Variants in MTMR8 observed in about 807,000 individuals in gnomAD.
The protein encoded by MTMR8 is myotubularin related protein 8, also known as phosphatidylinositol-3,5-bisphosphate 3-phosphatase MTMR8.
Under a neutral mutation model 39.3 loss-of-function variants are expected in MTMR8, and 65 were observed. The observed-to-expected ratio is 1.65, with a 90% confidence interval of 1.35 to 2.03. The LOEUF is 2.03. Among genes scored for constraint, MTMR8 ranks in the 30% most tolerant of loss-of-function variants. MTMR8 has a pLI of 0.00. For synonymous variants in MTMR8, 245 were observed against 185.2 expected, an observed-to-expected ratio of 1.32 and a Z score of -2.62; for missense variants, 777 against 538.9, an observed-to-expected ratio of 1.44 and a Z score of -4.37.
chrX:64,336,487 T>C (rs1284990859), intron 9 of MTMR8, among the ~76,000 whole-genome samples: 1 of 98,669 alleles, frequency 1.0e-5, no homozygotes, highest in Admixed American at 1.0e-4. Context: ...AAAACCATTT[T>C]TAACCATTAA....
intron 1 of MTMR8, among the ~76,000 whole-genome samples, chrX:64,382,098 G>T (rs1924442129): frequency 1.8e-5 from 2 of 111,357 alleles, no homozygotes; most frequent in Non-Finnish European, 3.8e-5. Flanking sequence ...CTCTTTTTTG[G>T]TTCCATATGA....
At chrX:64,381,122 G>A (rs1233368750) in intron 1 of MTMR8, among the ~76,000 whole-genome samples, 1 of 111,951 alleles carries the variant, frequency 8.9e-6, no homozygotes, top group Admixed American at 9.5e-5. Context: ...TAATGGGATG[G>A]CTGGGTCAAA....
At chrX:64,288,862 C>T (rs1335694411) in intron 12 of MTMR8, among the ~76,000 whole-genome samples, 2 of 109,282 alleles carry the variant, frequency 1.8e-5, no homozygotes, top group Admixed American at 2.0e-4. Context: ...ACACCGGGGC[C>T]TGTTGTAGGG....
chrX:64,292,791 C>T (rs1921445233), intron 12 of MTMR8, among the ~76,000 whole-genome samples: 1 of 111,130 alleles, frequency 9.0e-6, no homozygotes, highest in South Asian at 3.8e-4. Flanking sequence ...GAGCAAACTC[C>T]ACCTAATAGG....
At chrX:64,305,038 C>T in intron 12 of MTMR8, 1 of 178,698 alleles carries the variant, frequency 5.6e-6, no homozygotes, top group South Asian at 1.2e-4. Flanking sequence ...TTCCACAATA[C>T]TGTTCTAAAA....
intron 1 of MTMR8, among the ~76,000 whole-genome samples, chrX:64,379,143 T>A (rs1924345869): frequency 8.9e-6 from 1 of 111,736 alleles, no homozygotes; most frequent in Admixed American, 9.5e-5. Flanking sequence ...AAATTAGCAA[T>A]CTTCTAAAAC....
At chrX:64,375,025 A>G (rs1924229760) in intron 1 of MTMR8, among the ~76,000 whole-genome samples, 1 of 101,630 alleles carries the variant, frequency 9.8e-6, no homozygotes, top group East Asian at 3.0e-4. Context: ...ATGGTGAGGG[A>G]ATAAATTTCT....
At chrX:64,284,656 TG>T (rs975971193) in intron 12 of MTMR8, among the ~76,000 whole-genome samples, 3 of 110,882 alleles carry the variant, frequency 2.7e-5, no homozygotes, top group Non-Finnish European at 5.7e-5. Flanking sequence ...CAGAAGAGAG[TG>T]GGGGCCAATA....
At chrX:64,298,075 G>C (rs1224831957) in intron 12 of MTMR8, among the ~76,000 whole-genome samples, 4 of 76,308 alleles carry the variant, frequency 5.2e-5, no homozygotes, top group African/African-American at 2.0e-4. Flanking sequence ...GCTCTTTTTT[G>C]GTTCCATATG....
In MTMR8 at chrX:64,328,902, T is replaced by G. The variant is rs898091089; in HGVS notation, c.1353-2A>C. 3.5e-5 allele frequency: 42 copies of G among 1,184,715 alleles called. No homozygotes were observed. Among genetic ancestry groups the G allele is most frequent in the Non-Finnish European group, 4.6e-5 (41 of 887,722 alleles). ...ACAGAATGTGTTTTCTCATAGACTC[T>G]GTTAGAAAAGAAAAACAAGCCAAAA... is the stretch of plus-strand genomic sequence containing the variant. On this transcript the variant is annotated splice_acceptor_variant, in intron 11 of 13. Coordinates refer to ENST00000374852, the MANE Select transcript of MTMR8 (RefSeq NM_017677.4). LOFTEE classifies it high-confidence loss of function.
At position 64,268,701 on chromosome X, in the gene MTMR8, C is replaced by T. The variant is rs199872073; in HGVS notation, c.1951G>A (p.Asp651Asn). The change falls in exon 14 of 14, where the codon GAC (aspartate) becomes AAC (asparagine). Residue 651 changes from aspartate to asparagine, a missense_variant. Coordinates refer to ENST00000374852, the MANE Select transcript of MTMR8 (RefSeq NM_017677.4). ...TCCATGGCCCCACAGATTCCTAAGT[C>T]TTTGGAGAAGCCCGTAGCCTCAAAG... ...CTFEATGFSK[D>N]LGICGAMDIS... 1.0e-4 allele frequency: 127 copies of T among 1,209,743 alleles called. No individual in the cohort carries two copies. Among genetic ancestry groups the T allele is most frequent in the Non-Finnish European group, 1.3e-4 (113 of 895,235 alleles).
chrX:64,369,442 G>A (rs181687657), intron 1 of MTMR8, among the ~76,000 whole-genome samples: 26 of 111,341 alleles, frequency 2.3e-4, no homozygotes, highest in African/African-American at 8.1e-4. Context: ...CCATAAAAAC[G>A]GCTGAGTTCA....
chrX:64,341,382 G>A (rs1923212043), intron 8 of MTMR8, among the ~76,000 whole-genome samples: 1 of 108,040 alleles, frequency 9.3e-6, no homozygotes, highest in Non-Finnish European at 1.9e-5. Context: ...AGGAGGCTGA[G>A]GCAGAAGAAT....
intron 12 of MTMR8, among the ~76,000 whole-genome samples, chrX:64,276,009 A>G (rs1028725578): frequency 1.8e-5 from 2 of 111,910 alleles, no homozygotes; most frequent in Non-Finnish European, 3.8e-5. Flanking sequence ...GGCTTCACTG[A>G]AGAATTCTCC....
intron 2 of MTMR8, among the ~76,000 whole-genome samples, chrX:64,358,311 G>A (rs989689176): frequency 1.8e-5 from 2 of 111,355 alleles, no homozygotes; most frequent in African/African-American, 6.5e-5. Context: ...TCTTATCACA[G>A]CAAAAGGAGC....
In MTMR8 at chrX:64,335,134, AT is replaced by A. The variant is rs372963600; in HGVS notation, c.1151+944del. Among the ~76,000 whole-genome samples, 477 of 103,269 alleles carry A rather than the reference AT, an allele frequency of 4.6e-3. 1 individual carries two copies. Among genetic ancestry groups the A allele is most frequent in the South Asian group, 0.025 (60 of 2,371 alleles). 89.7% of individuals were successfully genotyped at this position (103,269 alleles called of 115,157 possible). A position where few individuals can be genotyped will look rare whatever the true frequency, so the allele number is the denominator to read the frequency against. On this transcript the variant is annotated intron_variant, in intron 10 of 13. Coordinates refer to ENST00000374852, the MANE Select transcript of MTMR8 (RefSeq NM_017677.4). ...TATAATCTCCTTGGGGTAAAACTCAATTTTTTTTTTTTTTGAGATGGAGTTT... is the reference window on the plus strand; with the variant it reads ...TATAATCTCCTTGGGGTAAAACTCAATTTTTTTTTTTTTGAGATGGAGTTT...
intron 10 of MTMR8, among the ~76,000 whole-genome samples, chrX:64,331,968 C>A (rs1361270098): frequency 9.0e-6 from 1 of 111,109 alleles, no homozygotes; most frequent in Non-Finnish European, 1.9e-5. Flanking sequence ...TACTGTAAAC[C>A]CTTTGGTCAT....
At chrX:64,282,054 A>G (rs770207323) in intron 12 of MTMR8, among the ~76,000 whole-genome samples, 1 of 111,434 alleles carries the variant, frequency 9.0e-6, no homozygotes, top group African/African-American at 3.3e-5. Context: ...GGCGATTATT[A>G]AAAAGTCAAG....
intron 12 of MTMR8, among the ~76,000 whole-genome samples, chrX:64,318,972 C>T (rs141570224): frequency 1.6e-4 from 18 of 111,710 alleles, no homozygotes; most frequent in Admixed American, 1.9e-4. Flanking sequence ...TTAGCCACCA[C>T]GCTCAGCCTA....
Sources: gnomAD v4.1 joint callset for allele counts (sites outside exome capture counted in the v4.1 genomes callset) on GRCh38, gnomAD v4.1.1 for gene constraint, MANE v1.5 for transcripts, NCBI Gene and HGNC (gene_info 2026-07-23, HGNC 2026-07-21) for gene names.